ATP13A5: variants seen among roughly 807,000 people sequenced by gnomAD.
The protein encoded by ATP13A5 is probable cation-transporting ATPase 13A5.
A neutral mutation model predicts 150.2 loss-of-function variants in ATP13A5; 149 were observed. The observed-to-expected ratio is 0.99, with a 90% confidence interval of 0.87 to 1.14. The LOEUF is 1.14. ATP13A5 is among the 50% of genes most tolerant of loss of function. The pLI is 0.00. For synonymous variants in ATP13A5, 497 were observed against 522.2 expected, an observed-to-expected ratio of 0.95 and a Z score of 0.66; for missense variants, 1,383 against 1,449.3, an observed-to-expected ratio of 0.95 and a Z score of 0.74.
intron 9 of ATP13A5, among the ~76,000 whole-genome samples, chr3:193,340,615 AG>A (rs1712080132): frequency 6.6e-6 from 1 of 152,184 alleles, no homozygotes; most frequent in South Asian, 2.1e-4. Context: ...AGAAGAGGGA[AG>A]GGGATTGCGG....
At chr3:193,345,139 A>T in intron 7 of ATP13A5, 64 bp from the exon 8 acceptor site, 1 of 1,403,732 alleles carries the variant, frequency 7.1e-7, no homozygotes, top group Non-Finnish European at 1.0e-6. Context: ...ACATGATCTC[A>T]TTACAGTAAA....
chr3:193,284,726 T>G (rs1717645113), intron 27 of ATP13A5, among the ~76,000 whole-genome samples, 188 bp downstream of exon 27: 1 of 152,252 alleles, frequency 6.6e-6, no homozygotes, highest in African/African-American at 2.4e-5. Context: ...ATGTCTGTGC[T>G]TATCTGCAAA....
intron 5 of ATP13A5, among the ~76,000 whole-genome samples, chr3:193,360,610 C>A (rs1322001003): frequency 6.6e-6 from 1 of 152,176 alleles, no homozygotes; most frequent in African/African-American, 2.4e-5. Flanking sequence ...ATTATCTGCT[C>A]CATTCTTCAT....
chr3:193,351,336 G>C (rs55658952), intron 6 of ATP13A5, 135 bp from the exon 7 acceptor site: 470,022 of 1,075,394 alleles, frequency 0.44, 104,928 homozygotes, highest in East Asian at 0.54. Flanking sequence ...AATTCACTTA[G>C]ATCTCTATTG....
In ATP13A5 at chr3:193,376,819, G is replaced by A. The variant is rs183511106; in HGVS notation, c.63+1844C>T. Among the ~76,000 whole-genome samples, 128 of 152,242 alleles carry A rather than the reference G, an allele frequency of 8.4e-4. 1 individual carries two copies. The highest frequency in any genetic ancestry group is 1.5e-3 in the African/African-American group (61 of 41,546). ...AGCTAAGTCACAGCTTCCACAGTTCGGTCACCCCAGCTCCCTCAGGCCTAG... is the reference window on the plus strand; with the variant it reads ...AGCTAAGTCACAGCTTCCACAGTTCAGTCACCCCAGCTCCCTCAGGCCTAG... On this transcript the variant is annotated intron_variant, in intron 1 of 29. Transcript: ENST00000342358.
chr3:193,309,936 G>A (rs545175793), intron 21 of ATP13A5, among the ~76,000 whole-genome samples: 12 of 152,180 alleles, frequency 7.9e-5, no homozygotes, highest in African/African-American at 2.6e-4. Context: ...CTCATGTCAC[G>A]GAGGTTTGTT....
chr3:193,333,328 C>T (rs554718536), intron 11 of ATP13A5, among the ~76,000 whole-genome samples: 4 of 152,288 alleles, frequency 2.6e-5, no homozygotes, highest in African/African-American at 9.6e-5. Flanking sequence ...TTCTTATTTT[C>T]TGGTTCACAG....
At chr3:193,283,657 A>C (rs903609230) in intron 27 of ATP13A5, among the ~76,000 whole-genome samples, 2 of 152,172 alleles carry the variant, frequency 1.3e-5, no homozygotes, top group Admixed American at 6.6e-5. Context: ...AGTGAAAATC[A>C]GTACAAACTT....
Position 193,335,077 on chromosome 3 carries a change from C to G in ATP13A5, c.966G>C (p.Lys322Asn). The G allele has an allele frequency of 6.2e-7, 1 of 1,613,792 alleles. No individual in the cohort carries two copies. The highest frequency in any genetic ancestry group is 1.1e-5 in the South Asian group (1 of 91,052). Residue 322 changes from lysine (K) to asparagine (N), a missense_variant, in exon 10 of 30, where the codon AAG becomes AAC. By Grantham distance (94) the Lys-to-Asn change is moderately conservative. This residue lies in a region of ATP13A5 where 787 missense variants were observed against 771.9 expected (regional missense o/e 1.02). Transcript: ENST00000342358. ...MLTGESIPVT[K>N]TPLPQMENTM... is the part of the protein sequence containing the mutation. ...TGTTCTCCATCTGGGGCAATGGTGT[C>G]TTTGTAACAGGTATACTTTCTCCTA...
chr3:193,297,365 A>G (rs1029782015), intron 25 of ATP13A5, among the ~76,000 whole-genome samples: 4 of 152,066 alleles, frequency 2.6e-5, no homozygotes, highest in Admixed American at 2.0e-4. Context: ...GTCTAAGGAT[A>G]AGATCATCTT....
chr3:193,276,783 G>A lies in ATP13A5; in HGVS notation c.3363C>T (p.Ala1121=). The A allele has an allele frequency of 6.2e-7, 1 of 1,613,324 alleles. No homozygotes were observed. Among genetic ancestry groups the A allele is most frequent in the Non-Finnish European group, 8.5e-7 (1 of 1,179,606 alleles). Residue 1121 remains alanine (A), a synonymous_variant, in exon 29 of 30, where the codon GCC becomes GCT. Transcript: ENST00000342358. The part of the protein sequence containing the change: ...TSWRVLILVV[A]LTQFCVAFFV... ...AGAAAGCCACACAGAATTGGGTGAG[G>A]GCTACCACCAAAATTAAAACCCTCC...
chr3:193,285,957 G>A (rs1388363165), intron 26 of ATP13A5, among the ~76,000 whole-genome samples: 3 of 151,964 alleles, frequency 2.0e-5, no homozygotes, highest in Admixed American at 2.0e-4. Flanking sequence ...TACATCTTTG[G>A]GATGAGAGTT....
chr3:193,339,200 G>T (rs1237538127), intron 9 of ATP13A5, among the ~76,000 whole-genome samples: 1 of 151,852 alleles, frequency 6.6e-6, no homozygotes, highest in Non-Finnish European at 1.5e-5. Context: ...CGGATTCATT[G>T]ATTTTTTTAA....
chr3:193,355,516 T>C (rs1049500554), intron 5 of ATP13A5, among the ~76,000 whole-genome samples: 2 of 152,318 alleles, frequency 1.3e-5, no homozygotes, highest in South Asian at 4.1e-4. Context: ...CACTGAGGTA[T>C]AACAGAGAGC....
At chr3:193,348,763 T>C (rs777643113) in intron 7 of ATP13A5, among the ~76,000 whole-genome samples, 27 of 152,244 alleles carry the variant, frequency 1.8e-4, no homozygotes, top group Admixed American at 1.6e-3. Flanking sequence ...GATTTGGAGA[T>C]AGCAGTAGAT....
In ATP13A5 at chr3:193,363,158, G is replaced by A. The variant is rs1469134832; in HGVS notation, c.384+78C>T. 88 of 1,475,758 alleles carry A rather than the reference G, an allele frequency of 6.0e-5. 1 individual carries two copies. Among genetic ancestry groups the A allele is most frequent in the East Asian group, 4.2e-4 (18 of 42,572 alleles). 91.4% of individuals were successfully genotyped at this position (1,475,758 alleles called of 1,614,324 possible). On this transcript the variant is annotated intron_variant, in intron 3 of 29. Transcript: ENST00000342358. ...TTCCCATTCCAAAAGTGTGATATTCGGAACTTTCATTTAATAAACAGTTAT... is the reference window on the plus strand; with the variant it reads ...TTCCCATTCCAAAAGTGTGATATTCAGAACTTTCATTTAATAAACAGTTAT...
rs768314443 is a variant in ATP13A5, at chr3:193,327,028, G to T, written c.1491C>A (p.Asp497Glu). 6.2e-7 allele frequency: 1 copy of T among 1,611,250 alleles called. No individual in the cohort carries two copies. The highest frequency in any genetic ancestry group is 8.5e-7 in the Non-Finnish European group (1 of 1,179,410). ...CAGCAGTAGGGACAGTCCCCCAGAG[G>T]TCCAGCCCATCTTCAGTGAGAGTGC... ...KTGTLTEDGL[D>E]LWGTVPTADN... The change falls in exon 13 of 30, where the codon GAC becomes GAA. Residue 497 changes from aspartate (D) to glutamate (E), a missense_variant. By Grantham distance (45) the Asp-to-Glu change is conservative (BLOSUM62 2). Transcript: ENST00000342358.
intron 1 of ATP13A5, among the ~76,000 whole-genome samples, chr3:193,369,834 C>T (rs139270962): frequency 2.2e-4 from 34 of 152,154 alleles, no homozygotes; most frequent in Admixed American, 2.0e-3. Context: ...ATAGCATACA[C>T]CTGGAAAAAC....
chr3:193,343,417 A>G (rs1347126495), intron 9 of ATP13A5, among the ~76,000 whole-genome samples: 2 of 152,216 alleles, frequency 1.3e-5, no homozygotes, highest in African/African-American at 4.8e-5. Context: ...TCTAAAGAAC[A>G]GAACTGTGCG....
Sources: allele counts gnomAD v4.1 joint callset (sites outside exome capture counted in the v4.1 genomes callset), GRCh38; gene constraint gnomAD v4.1.1; regional missense constraint gnomAD v4.1.1; transcripts MANE v1.5; gene names NCBI Gene and HGNC (gene_info 2026-07-23, HGNC 2026-07-21).